The following ZBTB16 variants were observed in gnomAD, a reference collection of about 807,000 sequenced individuals.
ZBTB16 encodes the protein zinc finger and BTB domain-containing protein 16.
A neutral mutation model predicts 56.8 loss-of-function variants in ZBTB16; 8 were observed. That is an observed-to-expected ratio of 0.14 (90% CI 0.08 to 0.25). The LOEUF (loss-of-function observed/expected upper bound fraction) is 0.25. ZBTB16 is among the 10% of genes least tolerant of loss of function. The pLI is 1.00. For synonymous variants in ZBTB16, 363 were observed against 368.5 expected, an observed-to-expected ratio of 0.98 and a Z score of 0.17; for missense variants, 625 against 903.0, an observed-to-expected ratio of 0.69 and a Z score of 3.95.
rs571587855 is a variant in ZBTB16 at position 114,072,283 on chromosome 11, A to G, written c.1268+7715A>G. Among the ~76,000 whole-genome samples, 3 of 152,296 alleles carry G rather than the reference A, an allele frequency of 2.0e-5. No homozygotes were observed. In the East Asian group the frequency reaches 5.8e-4, roughly 30 times the overall value. ...TCTTCCCCAGAAGCTGATCTCTTGT[A>G]CTGTGGTGGCCAGGGTACTCTTTGT... On this transcript the variant is annotated intron_variant, in intron 2 of 6. Coordinates refer to ENST00000335953, the MANE Select transcript of ZBTB16 (RefSeq NM_006006.6).
In ZBTB16 at chr11:114,251,509, A is replaced by G. The variant is rs1487996279; in HGVS notation, c.*954A>G. On this transcript the variant is annotated 3_prime_UTR_variant, in exon 7 of 7. Coordinates refer to ENST00000335953, the MANE Select transcript of ZBTB16 (RefSeq NM_006006.6). Reference sequence around the variant, plus strand: ...GTAGCCCTACTTCAGTCCCAGGAGAAGGAATCCATGAATGGGCTGAGGTTC... The same window carrying G: ...GTAGCCCTACTTCAGTCCCAGGAGAGGGAATCCATGAATGGGCTGAGGTTC... 6.6e-6 allele frequency among the ~76,000 whole-genome samples: 1 copy of G among 152,244 alleles called. No homozygotes were observed. Among genetic ancestry groups the G allele is most frequent in the African/African-American group, 2.4e-5 (1 of 41,468 alleles).
intron 2 of ZBTB16, among the ~76,000 whole-genome samples, chr11:114,081,211 C>G (rs1939745273): frequency 6.6e-6 from 1 of 152,128 alleles, no homozygotes; most frequent in African/African-American, 2.4e-5. Flanking sequence ...GTGAGGGATG[C>G]TGGGGGGTTT....
chr11:114,110,889 T>C (rs186386362), intron 2 of ZBTB16, among the ~76,000 whole-genome samples: 55 of 152,360 alleles, frequency 3.6e-4, no homozygotes, highest in Admixed American at 3.3e-3. Flanking sequence ...TTTTTACACA[T>C]GCTGTGCTTA....
At chr11:114,231,213 G>A (rs7949553) in intron 4 of ZBTB16, among the ~76,000 whole-genome samples, 50 of 152,312 alleles carry the variant, frequency 3.3e-4, no homozygotes, top group African/African-American at 1.2e-3. Flanking sequence ...CGTGCCTCCC[G>A]TGAAGCTCTG....
chr11:114,111,858 C>G (rs1388529026), intron 2 of ZBTB16, among the ~76,000 whole-genome samples: 1 of 152,130 alleles, frequency 6.6e-6, no homozygotes, highest in Non-Finnish European at 1.5e-5. Flanking sequence ...ATTTATTTAT[C>G]TTGAATGTTT....
At position 114,192,540 on chromosome 11, in the gene ZBTB16, T is replaced by C. The variant is rs58065010; in HGVS notation, c.1453+5502T>C. 6.1e-3 allele frequency among the ~76,000 whole-genome samples: 936 copies of C among 152,318 alleles called. 9 individuals carry two copies. Among genetic ancestry groups the C allele is most frequent in the African/African-American group, 0.022 (901 of 41,560 alleles). On this transcript the variant is annotated intron_variant, in intron 4 of 6. Transcript: ENST00000335953. ...ATCAGTATTTCAGCGTTCTTGTCCT[T>C]GCCTTTTCTGAGTGGAAAACATGCC...
At chr11:114,175,978 G>GGT (rs34506617) in intron 3 of ZBTB16, among the ~76,000 whole-genome samples, 2,038 of 148,080 alleles carry the variant, frequency 0.014, 38 homozygotes, top group East Asian at 0.04. Flanking sequence ...AGGGGAGAGG[G>GGT]GTGTGTGTGT....
intron 3 of ZBTB16, among the ~76,000 whole-genome samples, chr11:114,179,129 A>G (rs77366834): frequency 0.016 from 2,361 of 152,250 alleles, 60 homozygotes; most frequent in African/African-American, 0.054. Context: ...TCCTGGACCT[A>G]TCAATGGGGC....
chr11:114,221,712 G>A (rs1179783016), intron 4 of ZBTB16, among the ~76,000 whole-genome samples: 1 of 152,168 alleles, frequency 6.6e-6, no homozygotes, highest in East Asian at 1.9e-4. Context: ...GGTCCTCTGG[G>A]CCATTTCTTG....
At position 114,143,720 on chromosome 11, in the gene ZBTB16, C is replaced by T. The variant is rs912069803; in HGVS notation, c.1269-12617C>T. The stretch of plus-strand genomic sequence containing the variant: ...TCCTCCATGCCATGGACCGTCGCTG[C>T]ATCATCTAAGCACAGGGCACCCAGG... On this transcript the variant is annotated intron_variant, in intron 2 of 6. Transcript: ENST00000335953. This position sits in a 1 kb window ranked among gnomAD's most constrained non-coding sequence, Gnocchi z 6.4. 6.6e-6 allele frequency among the ~76,000 whole-genome samples: 1 copy of T among 152,200 alleles called. No homozygotes were observed. The highest frequency in any genetic ancestry group is 1.5e-5 in the Non-Finnish European group (1 of 68,046).
chr11:114,173,710 T>C (rs1444458921), intron 3 of ZBTB16, among the ~76,000 whole-genome samples: 1 of 152,190 alleles, frequency 6.6e-6, no homozygotes, highest in African/African-American at 2.4e-5. Context: ...AGAGTGAGGA[T>C]CTGCTCGACA....
At chr11:114,129,485 G>T (rs887217642) in intron 2 of ZBTB16, among the ~76,000 whole-genome samples, 1 of 152,170 alleles carries the variant, frequency 6.6e-6, no homozygotes, top group Non-Finnish European at 1.5e-5. Flanking sequence ...CCTGCCTTAC[G>T]CAGGCTCCCA....
chr11:114,159,391 AT>A (rs1168967051), intron 3 of ZBTB16, among the ~76,000 whole-genome samples: 1 of 152,168 alleles, frequency 6.6e-6, no homozygotes, highest in Non-Finnish European at 1.5e-5. Context: ...GGAAAGGATG[AT>A]TTGATGATTA....
chr11:114,111,278 A>G (rs543411219), intron 2 of ZBTB16, among the ~76,000 whole-genome samples: 2 of 152,178 alleles, frequency 1.3e-5, no homozygotes, highest in Non-Finnish European at 2.9e-5. Flanking sequence ...TAGTTTCCAG[A>G]GAGCTAAAGG....
chr11:114,109,658 A>C (rs1940931687), intron 2 of ZBTB16, among the ~76,000 whole-genome samples: 1 of 147,542 alleles, frequency 6.8e-6, no homozygotes, highest in Non-Finnish European at 1.5e-5. Context: ...GGGATGAGCA[A>C]CTTGGGGGTG....
Position 114,251,755 on chromosome 11 carries a change from G to A in ZBTB16, c.*1200G>A, listed in dbSNP as rs943645002. ...CGGTCCACAGTGGAGAGGAGGAGGA[G>A]GAGGAGCAGAAGGAGGGGGAGGAGC... On this transcript the variant is annotated 3_prime_UTR_variant, in exon 7 of 7. Transcript: ENST00000335953. Among the ~76,000 whole-genome samples, 1 of 152,180 alleles carries A rather than the reference G, an allele frequency of 6.6e-6. No individual in the cohort carries two copies. The highest frequency in any genetic ancestry group is 1.5e-5 in the Non-Finnish European group (1 of 68,030).
chr11:114,216,271 T>C (rs1348779113), intron 4 of ZBTB16, among the ~76,000 whole-genome samples: 5 of 152,206 alleles, frequency 3.3e-5, no homozygotes, highest in African/African-American at 9.6e-5. Flanking sequence ...TTCTGGGTGC[T>C]GATTACTTCC....
At chr11:114,201,437 C>G (rs756457535) in intron 4 of ZBTB16, among the ~76,000 whole-genome samples, 1 of 152,176 alleles carries the variant, frequency 6.6e-6, no homozygotes, top group Non-Finnish European at 1.5e-5. Context: ...ACCGCCGTGG[C>G]AGTAGGGCCT....
chr11:114,087,185 T>C (rs1278616084), intron 2 of ZBTB16, among the ~76,000 whole-genome samples: 4 of 152,238 alleles, frequency 2.6e-5, no homozygotes, highest in Non-Finnish European at 5.9e-5. Flanking sequence ...TTCATCGATG[T>C]CTGTTGAAAC....
Sources: allele counts gnomAD v4.1 joint callset (sites outside exome capture counted in the v4.1 genomes callset), GRCh38; gene constraint gnomAD v4.1.1; non-coding constraint Gnocchi (gnomAD v3.1); transcripts MANE v1.5; gene names NCBI Gene and HGNC (gene_info 2026-07-23, HGNC 2026-07-21).